PKIB: variants seen among roughly 807,000 people sequenced by gnomAD.
The protein encoded by PKIB is PKI-beta.
In PKIB, 2 loss-of-function variants were observed where a neutral mutation model predicts 4.5. The observed-to-expected ratio is 0.44, with a 90% CI of 0.18 to 1.39. The LOEUF is 1.39. PKIB is among the 40% of genes most tolerant of loss of function. The probability of loss-of-function intolerance (pLI) is 0.27; values close to 1 mark genes in which losing one functional copy is unlikely to be tolerated. For synonymous variants in PKIB, 38 were observed against 36.0 expected (o/e 1.06, Z -0.20); for missense variants, 94 against 92.6 (o/e 1.02, Z -0.06).
At chr6:122,521,104 G>C (rs557634061) in intron 2 of PKIB, among the ~76,000 whole-genome samples, 1 of 152,180 alleles carries the variant, frequency 6.6e-6, no homozygotes, top group Non-Finnish European at 1.5e-5. Flanking sequence ...CTGGCTTCAG[G>C]TGTTGCAGTT....
intron 2 of PKIB, among the ~76,000 whole-genome samples, chr6:122,543,911 T>A (rs1772399865): frequency 6.6e-6 from 1 of 152,088 alleles, no homozygotes; most frequent in Admixed American, 6.5e-5. Flanking sequence ...TACAGGCCTC[T>A]GAAAATGATC....
chr6:122,505,313 G>T, intron 2 of PKIB, among the ~76,000 whole-genome samples: 1 of 152,136 alleles, frequency 6.6e-6, no homozygotes, highest in East Asian at 1.9e-4. Flanking sequence ...CTCCTCAGAG[G>T]CCTCTTGTGG....
chr6:122,666,694 G>C (rs1777232329), intron 2 of PKIB, among the ~76,000 whole-genome samples: 1 of 152,168 alleles, frequency 6.6e-6, no homozygotes. Context: ...AATGCTAAGA[G>C]GGTATCTTAT....
intron 2 of PKIB, among the ~76,000 whole-genome samples, chr6:122,656,510 C>A (rs1270448427): frequency 6.6e-6 from 1 of 152,108 alleles, no homozygotes; most frequent in Non-Finnish European, 1.5e-5. Flanking sequence ...AGCTTTTTAG[C>A]CAAACTGATG....
intron 2 of PKIB, among the ~76,000 whole-genome samples, chr6:122,553,476 ATCTTCT>A (rs200263577): frequency 3.0e-5 from 1 of 33,762 alleles, no homozygotes; most frequent in East Asian, 1.0e-3. Flanking sequence ...TTGCTCAAAT[ATCTTCT>A]TTTTTTTTTT....
At chr6:122,534,155 A>C (rs956942489) in intron 2 of PKIB, among the ~76,000 whole-genome samples, 13 of 148,330 alleles carry the variant, frequency 8.8e-5, no homozygotes, top group African/African-American at 3.2e-4. Flanking sequence ...TTTTATATAT[A>C]ATATATATAA....
chr6:122,477,313 C>T (rs1352119270), intron 1 of PKIB, among the ~76,000 whole-genome samples: 2 of 152,066 alleles, frequency 1.3e-5, no homozygotes, highest in African/African-American at 4.8e-5. Flanking sequence ...AGGAAGCAAT[C>T]ATATTTTTCT....
At chr6:122,607,945 G>A (rs774255080), upstream of PKIB, among the ~76,000 whole-genome samples, 4 of 152,102 alleles carry the variant, frequency 2.6e-5, no homozygotes, top group African/African-American at 9.7e-5. Flanking sequence ...CTACATTCAC[G>A]GAAGTGTTTG....
intron 3 of PKIB, among the ~76,000 whole-genome samples, chr6:122,601,534 G>A (rs1328939137): frequency 2.6e-5 from 4 of 152,040 alleles, no homozygotes; most frequent in Non-Finnish European, 5.9e-5. Context: ...TTTGAACTGC[G>A]TGGGTCCACT....
chr6:122,563,022 C>T (rs570026196), intron 2 of PKIB, among the ~76,000 whole-genome samples: 8 of 152,160 alleles, frequency 5.3e-5, no homozygotes, highest in East Asian at 3.9e-4. Flanking sequence ...TGATTTTTCA[C>T]GGGTGTTGAA....
chr6:122,543,213 G>A (rs1772362825), intron 2 of PKIB, among the ~76,000 whole-genome samples: 1 of 152,016 alleles, frequency 6.6e-6, no homozygotes, highest in Non-Finnish European at 1.5e-5. Context: ...ATGGTGTGCT[G>A]CACCCACTGT....
At chr6:122,482,015 G>A (rs576335632) in intron 2 of PKIB, 1 of 148,024 alleles carries the variant, frequency 6.8e-6, no homozygotes, top group African/African-American at 2.5e-5. Context: ...CTGGAATGCA[G>A]TGGCGCGATC....
At chr6:122,655,619 C>G (rs1336104245) in intron 2 of PKIB, among the ~76,000 whole-genome samples, 1 of 152,090 alleles carries the variant, frequency 6.6e-6, no homozygotes, top group African/African-American at 2.4e-5. Flanking sequence ...GCAGCCCAGA[C>G]AGATGAAGAC....
Position 122,629,717 on chromosome 6 carries a change from T to A in PKIB, c.-160-3566T>A, listed in dbSNP as rs183510363. Among the ~76,000 whole-genome samples the A allele has an allele frequency of 2.5e-3, 386 of 152,292 alleles. 2 individuals carry two copies. The highest frequency in any genetic ancestry group is 9.1e-3 in the African/African-American group (378 of 41,554). On this transcript the variant is annotated intron_variant, in intron 1 of 4. Coordinates refer to ENST00000368452, the MANE Select transcript of PKIB (RefSeq NM_181795.3). ...TGTGATGAAAATGGCACTTTTCCTC[T>A]GTGGTCTTCCTCCCAAAATCTCATA...
At chr6:122,576,710 A>ATATATATATATATATATATATATATTTTT (rs59569106) in intron 2 of PKIB, among the ~76,000 whole-genome samples, 1 of 109,992 alleles carries the variant, frequency 9.1e-6, no homozygotes, top group African/African-American at 4.0e-5. Flanking sequence ...ATATATATAT[A>ATATATATATATATATATATATATATTTTT]TTTTCTTTTG....
chr6:122,606,347 C>T (rs907074556), upstream of PKIB, among the ~76,000 whole-genome samples: 8 of 151,950 alleles, frequency 5.3e-5, no homozygotes, highest in Non-Finnish European at 1.0e-4. Context: ...CTGAGGCAGG[C>T]GGATCACCTG....
rs190447463 is a variant in PKIB at position 122,639,846 on chromosome 6, C to T, written c.-76+6479C>T. Among the ~76,000 whole-genome samples the T allele has an allele frequency of 6.9e-3, 1,053 of 152,196 alleles. 5 individuals are homozygous for T. Among genetic ancestry groups the T allele is most frequent in the Admixed American group, 0.016 (238 of 15,290 alleles). ...TGATTGGTCATAAGTGGGAGGGTGA[C>T]GGGTTGGTTTTGGAGGTGGGTAATT... On this transcript the variant is annotated intron_variant, in intron 2 of 4. Transcript: ENST00000368452.
chr6:122,556,354 C>T lies in PKIB; in HGVS notation c.-247-29567C>T, dbSNP rs61439731. Among the ~76,000 whole-genome samples, 475 of 152,242 alleles carry T rather than the reference C, an allele frequency of 3.1e-3. 4 individuals carry two copies. Among genetic ancestry groups the T allele is most frequent in the African/African-American group, 0.01 (432 of 41,536 alleles). On this transcript the variant is annotated intron_variant, in intron 2 of 6. Coordinates refer to the PKIB transcript ENST00000392491. The stretch of plus-strand genomic sequence containing the variant: ...TATGTCTTTATTAGCAGCATGAGAA[C>T]GACTAATACACAGGACAAGTTACTG...
intron 2 of PKIB, among the ~76,000 whole-genome samples, chr6:122,547,286 G>A (rs1772524257): frequency 1.3e-5 from 2 of 151,982 alleles, no homozygotes; most frequent in Admixed American, 1.3e-4. Flanking sequence ...GGGTGGTGGG[G>A]GTGGAGGCGT....
Sources: allele counts gnomAD v4.1 joint callset (sites outside exome capture counted in the v4.1 genomes callset), GRCh38; gene constraint gnomAD v4.1.1; transcripts MANE v1.5; gene names NCBI Gene and HGNC (gene_info 2026-07-23, HGNC 2026-07-21).